ALOX15B: variants seen among roughly 807,000 people sequenced by gnomAD.
The protein encoded by ALOX15B is arachidonate 15-lipoxygenase type B.
Under a neutral mutation model 73.8 loss-of-function variants are expected in ALOX15B, and 74 were observed. The observed-to-expected ratio is 1.00, with a 90% CI of 0.83 to 1.22. The LOEUF is 1.22. ALOX15B is among the 50% of genes most tolerant of loss of function. ALOX15B has a pLI of 0.00. For synonymous variants in ALOX15B, 353 were observed against 357.2 expected (o/e 0.99, Z 0.13); for missense variants, 896 against 859.9 (o/e 1.04, Z -0.52).
chr17:8,048,359 T>C (rs1598168072), intron 13 of ALOX15B, 27 bp from the exon 14 acceptor site: 1 of 1,596,312 alleles, frequency 6.3e-7, no homozygotes, highest in Non-Finnish European at 8.5e-7. Flanking sequence ...AGCAGCCGCC[T>C]CACCCAACCT....
intron 3 of ALOX15B, among the ~76,000 whole-genome samples, chr17:8,040,905 G>GACTTGGAGATAA (rs146122129): frequency 0.29 from 43,891 of 152,060 alleles, 7,347 homozygotes; most frequent in Admixed American, 0.41. Flanking sequence ...AGGAGTTGGG[G>GACTTGGAGATAA]CCGCTAGTGA....
chr17:8,046,976 C>G lies in ALOX15B; in HGVS notation c.1357C>G (p.Leu453Val), dbSNP rs764954751. The G allele has an allele frequency of 2.5e-6, 4 of 1,614,040 alleles. No individual in the cohort carries two copies. The highest frequency in any genetic ancestry group is 2.2e-5 in the South Asian group (2 of 91,088). The change falls in exon 10 of 14, where the codon CTC becomes GTC. Residue 453 changes from leucine to valine, a missense_variant. Coordinates refer to ENST00000380183, the MANE Select transcript of ALOX15B (RefSeq NM_001141.3). ...GAACATGAAGCAGCTGAACTATTCT[C>G]TCCTGTGTCTGCCTGAGGATATCCG... is the stretch of plus-strand genomic sequence containing the variant. Reference protein sequence around the residue: ...QRNMKQLNYSLLCLPEDIRTR... With the variant: ...QRNMKQLNYSVLCLPEDIRTR...
At chr17:8,043,621 A>G (rs1457956586) in intron 5 of ALOX15B, among the ~76,000 whole-genome samples, 2 of 152,144 alleles carry the variant, frequency 1.3e-5, no homozygotes, top group Non-Finnish European at 2.9e-5. Context: ...GCAAGAGACT[A>G]TGAGAATCTG....
intron 5 of ALOX15B, among the ~76,000 whole-genome samples, chr17:8,043,960 T>G (rs1976529216): frequency 6.6e-6 from 1 of 152,022 alleles, no homozygotes. Flanking sequence ...TCCCAGCTAC[T>G]CAGGAGGCTG....
In ALOX15B at chr17:8,048,660, G is replaced by A; in HGVS notation, c.*95G>A. 7.3e-7 allele frequency: 1 copy of A among 1,367,308 alleles called. No individual in the cohort carries two copies. The allele number at this position is 1,367,308 out of a possible 1,614,324, so 84.7% of individuals were successfully genotyped here. Reference sequence around the variant, plus strand: ...GAAAAGGACTCCTCAGAAAAAACAGGCCCCCATGTGCCTCTCCTGGGACAA... The same window carrying A: ...GAAAAGGACTCCTCAGAAAAAACAGACCCCCATGTGCCTCTCCTGGGACAA... On this transcript the variant is annotated 3_prime_UTR_variant, in exon 14 of 14. Transcript: ENST00000380183.
intron 3 of ALOX15B, 88 bp downstream of exon 3, chr17:8,040,071 C>A: frequency 8.3e-7 from 1 of 1,210,904 alleles, no homozygotes. Context: ...ATTAAAAGCC[C>A]CTGCCTCCAC....
chr17:8,042,636 C>T, intron 4 of ALOX15B, 145 bp downstream of exon 4: 1 of 1,363,612 alleles, frequency 7.3e-7, no homozygotes, highest in Non-Finnish European at 1.0e-6. Flanking sequence ...CACTACCAAT[C>T]CCACAGAGCA....
Position 8,047,858 on chromosome 17 carries a change from TG to T in ALOX15B, c.1795del (p.Ala599ProfsTer12). 2 of 1,614,168 alleles carry T rather than the reference TG, an allele frequency of 1.2e-6. No individual in the cohort carries two copies. The highest frequency in any genetic ancestry group is 1.7e-6 in the Non-Finnish European group (2 of 1,180,022). ...TCATAGCCACCCTCCCACCTGTCAA[TG>T]CCACATGTGATGTCATCCTTGCTCT... ...GFIATLPPVN[A>X]TCDVILALWL... On this transcript the variant is annotated frameshift_variant, in exon 13 of 14. Transcript: ENST00000380183. LOFTEE classifies it high-confidence loss of function.
At chr17:8,039,747 C>A (rs1429211246) in intron 2 of ALOX15B, 142 bp downstream of exon 2, 5 of 1,189,724 alleles carry the variant, frequency 4.2e-6, no homozygotes, top group African/African-American at 3.1e-5. Flanking sequence ...AATGGCGGAG[C>A]CTTGGGGAGC....
At chr17:8,047,952 G>T in intron 13 of ALOX15B, 37 bp downstream of exon 13, 1 of 1,606,366 alleles carries the variant, frequency 6.2e-7, no homozygotes. Flanking sequence ...GGGCCAAATT[G>T]GGGTAAGAGA....
At position 8,047,847 on chromosome 17, in the gene ALOX15B, C is replaced by T. The variant is rs1976656186; in HGVS notation, c.1783C>T (p.Pro595Ser). The change falls in exon 13 of 14, where the codon CCA (proline) becomes TCA (serine). Residue 595 changes from proline (P) to serine (S), a missense_variant. Transcript: ENST00000380183. ...ATGCGAGGGCTTCATAGCCACCCTCCCACCTGTCAATGCCACATGTGATGT... is the reference window on the plus strand; with the variant it reads ...ATGCGAGGGCTTCATAGCCACCCTCTCACCTGTCAATGCCACATGTGATGT... ...ATCEGFIATLPPVNATCDVIL... is the reference protein window; with the variant it reads ...ATCEGFIATLSPVNATCDVIL... 2 of 1,614,184 alleles carry T rather than the reference C, an allele frequency of 1.2e-6. No individual in the cohort carries two copies. The highest frequency in any genetic ancestry group is 1.7e-6 in the Non-Finnish European group (2 of 1,180,026).
At position 8,048,730 on chromosome 17, in the gene ALOX15B, A is replaced by C; in HGVS notation, c.*165A>C. The C allele has an allele frequency of 1.5e-6, 1 of 649,432 alleles. No individual in the cohort carries two copies. Among genetic ancestry groups the C allele is most frequent in the Non-Finnish European group, 2.5e-6 (1 of 407,286 alleles). The allele number at this position is 649,432 out of a possible 1,614,324, so 40.2% of individuals were successfully genotyped here. ...CCCACCACCATACACACACACAAAA[A>C]CAGAAACAAAATCAAAACAGAGAAA... On this transcript the variant is annotated 3_prime_UTR_variant, in exon 14 of 14. Coordinates refer to ENST00000380183, the MANE Select transcript of ALOX15B (RefSeq NM_001141.3).
rs138830954 is a variant in ALOX15B, at chr17:8,039,241, C to G, written c.86C>G (p.Thr29Ser). The change falls in exon 1 of 14, where the codon ACC becomes AGC. Residue 29 changes from threonine to serine, a missense_variant. Coordinates refer to ENST00000380183, the MANE Select transcript of ALOX15B (RefSeq NM_001141.3). ...WDKVSVSIVG[T>S]RGESPPLPLD... ...AAAGTGTCTGTCAGCATCGTGGGGACCCGGGGAGAGAGCCCCCCACTGCCC... is the reference window on the plus strand; with the variant it reads ...AAAGTGTCTGTCAGCATCGTGGGGAGCCGGGGAGAGAGCCCCCCACTGCCC... 1.3e-5 allele frequency: 21 copies of G among 1,605,538 alleles called. No homozygotes were observed. The highest frequency in any genetic ancestry group is 1.7e-5 in the Non-Finnish European group (20 of 1,175,806).
Position 8,039,529 on chromosome 17 carries a change from G to C in ALOX15B, c.291G>C (p.Pro97=). Residue 97 remains proline (P), a synonymous_variant, in exon 2 of 14, where the codon CCG becomes CCC. Transcript: ENST00000380183. ...WFCRWFQLTP[P]RGGHLLFPCY... ...GCCGCTGGTTCCAGCTGACACCGCC[G>C]CGGGGCGGCCACCTCCTCTTCCCCT... 6.4e-7 allele frequency: 1 copy of C among 1,550,794 alleles called. No individual in the cohort carries two copies. The highest frequency in any genetic ancestry group is 8.7e-7 in the Non-Finnish European group (1 of 1,151,854).
intron 8 of ALOX15B, 44 bp from the exon 9 acceptor site, chr17:8,046,624 A>G (rs781250798): frequency 1.9e-6 from 3 of 1,585,328 alleles, no homozygotes; most frequent in Non-Finnish European, 2.6e-6. Context: ...TGGGGCCAGA[A>G]CAACCCAGGC....
At chr17:8,040,649 AAGAAAAG>A (rs1567969700) in intron 3 of ALOX15B, among the ~76,000 whole-genome samples, 1 of 112,760 alleles carries the variant, frequency 8.9e-6, no homozygotes, top group Non-Finnish European at 2.2e-5. Context: ...GAAAGAAAGA[AAGAAAAG>A]AAAGAGAAAG....
intron 5 of ALOX15B, among the ~76,000 whole-genome samples, chr17:8,044,105 G>A (rs201653669): frequency 1.6e-5 from 1 of 62,320 alleles, no homozygotes; most frequent in Admixed American, 1.8e-4. Context: ...GAGAGAGAGA[G>A]AGGAAGGAAG....
rs1976626173 is a variant in ALOX15B, at chr17:8,046,956, T to C, written c.1337T>C (p.Met446Thr). 6.2e-7 allele frequency: 1 copy of C among 1,614,034 alleles called. No individual in the cohort carries two copies. Among genetic ancestry groups the C allele is most frequent in the Non-Finnish European group, 8.5e-7 (1 of 1,180,028 alleles). The change falls in exon 10 of 14, where the codon ATG becomes ACG. Residue 446 changes from methionine to threonine, a missense_variant. Transcript: ENST00000380183. The part of the protein sequence containing the change: ...EGFSELIQRN[M>T]KQLNYSLLCL... Reference sequence around the variant, plus strand: ...TTCTCTGAGTTGATACAGAGGAACATGAAGCAGCTGAACTATTCTCTCCTG... The same window carrying C: ...TTCTCTGAGTTGATACAGAGGAACACGAAGCAGCTGAACTATTCTCTCCTG...
rs1372205850 is a variant in ALOX15B at position 8,045,335 on chromosome 17, T to G, written c.947T>G (p.Leu316Arg). ...KPQFSAAPMTLLYQSPGCGPL... is the reference protein window; with the variant it reads ...KPQFSAAPMTRLYQSPGCGPL... ...CAGTTCTCTGCGGCCCCAATGACCC[T>G]GCTATACCAGAGCCCAGGCTGCGGG... is the stretch of plus-strand genomic sequence containing the variant. Residue 316 changes from leucine to arginine, a missense_variant, in exon 7 of 14, where the codon CTG (leucine) becomes CGG (arginine). Transcript: ENST00000380183. 7 of 1,614,192 alleles carry G rather than the reference T, an allele frequency of 4.3e-6. No homozygotes were observed. In the South Asian group the frequency reaches 7.7e-5, roughly 18 times the overall value.
Sources: allele counts gnomAD v4.1 joint callset (sites outside exome capture counted in the v4.1 genomes callset), GRCh38; gene constraint gnomAD v4.1.1; transcripts MANE v1.5; gene names NCBI Gene and HGNC (gene_info 2026-07-23, HGNC 2026-07-21).